The following ACSL1 variants were observed in gnomAD, a reference collection of about 807,000 sequenced individuals.
The protein encoded by ACSL1 is long-chain-fatty-acid--CoA ligase 1.
Under a neutral mutation model 98.4 loss-of-function variants are expected in ACSL1, and 41 were observed. That is an observed-to-expected ratio of 0.42 (90% CI 0.32 to 0.54). The LOEUF is 0.54. ACSL1 is among the 20% of genes least tolerant of loss of function. ACSL1 has a pLI of 0.13. For synonymous variants in ACSL1, 316 were observed against 322.7 expected (o/e 0.98, Z 0.22); for missense variants, 734 against 883.1 (o/e 0.83, Z 2.14).
chr4:184,812,990 G>A (rs571493866), intron 1 of ACSL1, among the ~76,000 whole-genome samples: 89 of 152,180 alleles, frequency 5.8e-4, no homozygotes, highest in African/African-American at 2.0e-3. Flanking sequence ...TGAGATGTAC[G>A]GAATGCTGAC....
At chr4:184,816,463 T>C (rs1367467020) in intron 1 of ACSL1, among the ~76,000 whole-genome samples, 1 of 152,098 alleles carries the variant, frequency 6.6e-6, no homozygotes, top group East Asian at 1.9e-4. Context: ...CAGAAGATTA[T>C]AGAATAATGA....
In ACSL1 at chr4:184,756,574, G is replaced by A. The variant is rs1292398259; in HGVS notation, c.*551C>T. The A allele has an allele frequency of 6.5e-6, 1 of 152,690 alleles. No individual in the cohort carries two copies. The highest frequency in any genetic ancestry group is 2.4e-5 in the African/African-American group (1 of 41,444). 9.5% of individuals were successfully genotyped at this position (152,690 alleles called of 1,614,324 possible). Reference sequence around the variant, plus strand: ...AGAACATGAGTTTCGTAACCCTTACGAATCAGAAGGGTTCTGTGAATGCCT... The same window carrying A: ...AGAACATGAGTTTCGTAACCCTTACAAATCAGAAGGGTTCTGTGAATGCCT... On this transcript the variant is annotated 3_prime_UTR_variant, in exon 21 of 21. Transcript: ENST00000281455.
intron 2 of ACSL1, among the ~76,000 whole-genome samples, chr4:184,799,449 T>C (rs1028894898): frequency 1.3e-5 from 2 of 152,074 alleles, no homozygotes; most frequent in African/African-American, 4.8e-5. Context: ...TCTGATCCTA[T>C]ACCCAACAGA....
intron 5 of ACSL1, among the ~76,000 whole-genome samples, chr4:184,777,518 GAGAA>G (rs1171496056): frequency 2.0e-5 from 3 of 151,008 alleles, no homozygotes; most frequent in Non-Finnish European, 2.9e-5. Context: ...AAGAGAGAGA[GAGAA>G]AGAAAGATGA....
At chr4:184,809,756 A>C (rs1579957897) in intron 1 of ACSL1, among the ~76,000 whole-genome samples, 1 of 152,352 alleles carries the variant, frequency 6.6e-6, no homozygotes, top group East Asian at 1.9e-4. Context: ...AGATCGCGCC[A>C]CTGCACTCCA....
At chr4:184,823,052 C>T (rs902033051) in intron 1 of ACSL1, among the ~76,000 whole-genome samples, 1 of 152,190 alleles carries the variant, frequency 6.6e-6, no homozygotes, top group African/African-American at 2.4e-5. Context: ...AACTCAACTG[C>T]CTGCAGCTTC....
rs753180444 is a variant in ACSL1, at chr4:184,768,237, A to AT, written c.1128+78dup. ...TTGTCCAGGGTCATACAGATGGCAC[A>AT]TGGCACAGCCCAATTCAAGCCCAAG... On this transcript the variant is annotated intron_variant, in intron 12 of 20. Coordinates refer to ENST00000281455, the MANE Select transcript of ACSL1 (RefSeq NM_001995.5). 76 of 1,467,086 alleles carry AT rather than the reference A, an allele frequency of 5.2e-5. 1 individual carries two copies. The South Asian group carries it at 9.8e-4, about 19-fold the overall frequency. 90.9% of individuals were successfully genotyped at this position (1,467,086 alleles called of 1,614,324 possible).
chr4:184,766,564 G>C lies in ACSL1; in HGVS notation c.1263+58C>G. ...CCCTCTCACAAAAAAGGCCCTCCCAGAACTCTGAAAAGCGAAGTCGGTTTC... is the reference window on the plus strand; with the variant it reads ...CCCTCTCACAAAAAAGGCCCTCCCACAACTCTGAAAAGCGAAGTCGGTTTC... On this transcript the variant is annotated intron_variant, in intron 13 of 20. Coordinates refer to ENST00000281455, the MANE Select transcript of ACSL1 (RefSeq NM_001995.5). The surrounding 1 kb of genome is among the most constrained non-coding windows in gnomAD (Gnocchi z 4.8). The C allele has an allele frequency of 2.5e-6, 4 of 1,583,366 alleles. No individual in the cohort carries two copies. The highest frequency in any genetic ancestry group is 3.5e-6 in the Non-Finnish European group (4 of 1,159,216).
Position 184,766,430 on chromosome 4 carries a change from A to G in ACSL1, c.1263+192T>C, listed in dbSNP as rs60099774. Among the ~76,000 whole-genome samples, 692 of 152,316 alleles carry G rather than the reference A, an allele frequency of 4.5e-3. 7 individuals are homozygous for G. The highest frequency in any genetic ancestry group is 0.016 in the African/African-American group (664 of 41,562). ...ACTCCTTTTCCCCCTAGATGGCTGC[A>G]ATACTATTGATCTTAGAAACTGAGG... On this transcript the variant is annotated intron_variant, in intron 13 of 20. Coordinates refer to ENST00000281455, the MANE Select transcript of ACSL1 (RefSeq NM_001995.5). This position sits in a 1 kb window ranked among gnomAD's most constrained non-coding sequence, Gnocchi z 4.8.
At chr4:184,801,293 T>C (rs73875816) in intron 2 of ACSL1, among the ~76,000 whole-genome samples, 15,772 of 152,268 alleles carry the variant, frequency 0.1, 1,014 homozygotes, top group Non-Finnish European at 0.15. Context: ...AAAGTGCGGA[T>C]TCTTCTCATT....
intron 2 of ACSL1, chr4:184,798,588 A>G (rs1769869261): frequency 6.2e-6 from 1 of 160,202 alleles, no homozygotes; most frequent in Non-Finnish European, 1.4e-5. Context: ...AAACAGGGCC[A>G]CACAGCAGCC....
chr4:184,781,392 T>C (rs1327495040), intron 4 of ACSL1, among the ~76,000 whole-genome samples: 2 of 152,022 alleles, frequency 1.3e-5, no homozygotes, highest in African/African-American at 4.8e-5. Flanking sequence ...ATATTATAAT[T>C]ATGAAAACTA....
At chr4:184,796,574 A>G (rs1211076530) in intron 2 of ACSL1, among the ~76,000 whole-genome samples, 3 of 152,226 alleles carry the variant, frequency 2.0e-5, no homozygotes, top group South Asian at 4.1e-4. Flanking sequence ...ACCATGGAAT[A>G]ACAGGCCATG....
chr4:184,786,883 G>A (rs921408020), intron 3 of ACSL1, among the ~76,000 whole-genome samples: 1 of 151,934 alleles, frequency 6.6e-6, no homozygotes, highest in Non-Finnish European at 1.5e-5. Flanking sequence ...TAGTAGAGAC[G>A]GAGTTTCACC....
intron 4 of ACSL1, among the ~76,000 whole-genome samples, chr4:184,781,611 C>CT (rs1438402416): frequency 4.0e-5 from 6 of 151,282 alleles, no homozygotes; most frequent in South Asian, 2.1e-4. Context: ...TTGTTTCTTT[C>CT]TTTTTTTTTC....
chr4:184,814,270 G>A (rs939280347), intron 1 of ACSL1, among the ~76,000 whole-genome samples: 9 of 120,924 alleles, frequency 7.4e-5, no homozygotes, highest in Admixed American at 1.2e-4. Context: ...CAGCCTGGGC[G>A]ACAGAGCGAG....
At chr4:184,812,228 C>G in intron 1 of ACSL1, 1 of 985,390 alleles carries the variant, frequency 1.0e-6, no homozygotes, top group Non-Finnish European at 1.2e-6. Context: ...TCCCATCTGT[C>G]TTTATATGCC....
intron 2 of ACSL1, among the ~76,000 whole-genome samples, chr4:184,801,649 C>A (rs1201188209): frequency 6.6e-6 from 1 of 152,152 alleles, no homozygotes; most frequent in Non-Finnish European, 1.5e-5. Context: ...GCAAAGCAAG[C>A]TCAGTATCTA....
intron 11 of ACSL1, 63 bp from the exon 12 acceptor site, chr4:184,768,513 A>G: frequency 6.5e-7 from 1 of 1,533,906 alleles, no homozygotes; most frequent in Non-Finnish European, 8.7e-7. Context: ...CAACATATGG[A>G]CAACATCCAA....
Sources: gnomAD v4.1 joint callset for allele counts (sites outside exome capture counted in the v4.1 genomes callset) on GRCh38, gnomAD v4.1.1 for gene constraint, Gnocchi (gnomAD v3.1) non-coding constraint, MANE v1.5 for transcripts, NCBI Gene and HGNC (gene_info 2026-07-23, HGNC 2026-07-21) for gene names.